RGS7: variants seen among roughly 807,000 people sequenced by gnomAD.
RGS7 encodes the protein regulator of G protein signaling 7, also known as regulator of G-protein signaling 7.
A neutral mutation model predicts 81.1 loss-of-function variants in RGS7; 27 were observed. That is an observed-to-expected ratio of 0.33 (90% CI 0.25 to 0.46). The LOEUF is 0.46. Among genes scored for constraint, RGS7 ranks in the 20% least tolerant of loss-of-function variants. The probability of loss-of-function intolerance (pLI) is 1.00; values close to 1 mark genes in which losing one functional copy is unlikely to be tolerated. For synonymous variants in RGS7, 208 were observed against 207.7 expected (o/e 1.00, Z -0.01); for missense variants, 396 against 607.4 (o/e 0.65, Z 3.66).
chr1:241,004,498 T>C (rs1038358721), intron 3 of RGS7, among the ~76,000 whole-genome samples: 1 of 152,130 alleles, frequency 6.6e-6, no homozygotes, highest in Non-Finnish European at 1.5e-5. Flanking sequence ...TGAAGGTTCA[T>C]TGAAAATCAT....
intron 2 of RGS7, among the ~76,000 whole-genome samples, chr1:241,352,843 A>G (rs546913504): frequency 3.3e-5 from 5 of 152,260 alleles, no homozygotes; most frequent in Non-Finnish European, 7.3e-5. Flanking sequence ...AGAAATTTAC[A>G]CATCCCAGCT....
intron 2 of RGS7, among the ~76,000 whole-genome samples, chr1:241,282,668 T>C (rs2078586485): frequency 6.6e-6 from 1 of 152,228 alleles, no homozygotes; most frequent in Non-Finnish European, 1.5e-5. Context: ...GCATTCAGTC[T>C]TTCACCATTA....
intron 2 of RGS7, among the ~76,000 whole-genome samples, chr1:241,146,611 C>A (rs1234029270): frequency 6.6e-6 from 1 of 152,242 alleles, no homozygotes; most frequent in East Asian, 1.9e-4. Context: ...ACAAGATTCC[C>A]AACCTACTCT....
At chr1:240,983,600 C>T (rs551231891) in intron 3 of RGS7, among the ~76,000 whole-genome samples, 1 of 152,272 alleles carries the variant, frequency 6.6e-6, no homozygotes, top group African/African-American at 2.4e-5. Context: ...TGTGTCTCCA[C>T]AGCAGTACTC....
At chr1:240,834,540 T>C (rs1694356809) in intron 9 of RGS7, among the ~76,000 whole-genome samples, 1 of 152,152 alleles carries the variant, frequency 6.6e-6, no homozygotes, top group African/African-American at 2.4e-5. Flanking sequence ...AGATGGAGTC[T>C]CGCTCCACCG....
chr1:240,878,186 AC>A (rs1665767144), intron 6 of RGS7, among the ~76,000 whole-genome samples: 1 of 152,002 alleles, frequency 6.6e-6, no homozygotes, highest in Non-Finnish European at 1.5e-5. Context: ...CCCCTTCTCC[AC>A]CAAGCCCCTT....
chr1:240,812,534 A>C (rs1466109415), intron 13 of RGS7, among the ~76,000 whole-genome samples: 17 of 150,814 alleles, frequency 1.1e-4, no homozygotes, highest in Admixed American at 1.1e-3. Context: ...TCCCGGGTTC[A>C]AGAGAGTCTC....
chr1:241,310,588 A>G (rs1368043993), intron 2 of RGS7, among the ~76,000 whole-genome samples: 3 of 151,578 alleles, frequency 2.0e-5, no homozygotes, highest in East Asian at 3.9e-4. Context: ...ACTGCCCACG[A>G]CAGTCACGGA....
At chr1:241,112,769 G>A (rs1216092122) in intron 2 of RGS7, among the ~76,000 whole-genome samples, 1 of 152,134 alleles carries the variant, frequency 6.6e-6, no homozygotes, top group Non-Finnish European at 1.5e-5. Context: ...TACTTTAATT[G>A]TACCCTTGCT....
At chr1:241,115,455 T>C (rs536638315) in intron 2 of RGS7, among the ~76,000 whole-genome samples, 8 of 152,338 alleles carry the variant, frequency 5.3e-5, no homozygotes, top group Admixed American at 4.6e-4. Flanking sequence ...TTTATCCTTC[T>C]ACTAAATATC....
rs569258727 is a variant in RGS7, at chr1:241,144,875, C to T, written c.79-46113G>A. On this transcript the variant is annotated intron_variant, in intron 2 of 18. Transcript: ENST00000440928. This position sits in a 1 kb window ranked among gnomAD's most constrained non-coding sequence, Gnocchi z 4.7. ...TGCCTTTTCTTTCTTAAAATCTTAA[C>T]GTCCCAAAGGAACAACTGATGTGAG... 6.7e-6 allele frequency among the ~76,000 whole-genome samples: 1 copy of T among 150,054 alleles called. No individual in the cohort carries two copies. The highest frequency in any genetic ancestry group is 2.5e-5 in the African/African-American group (1 of 39,896).
At chr1:241,319,026 A>G (rs2081056732) in intron 2 of RGS7, among the ~76,000 whole-genome samples, 1 of 152,196 alleles carries the variant, frequency 6.6e-6, no homozygotes, top group East Asian at 1.9e-4. Flanking sequence ...TGATTTTTCA[A>G]ATGTTTCACC....
At chr1:240,944,330 A>G (rs1210710151) in intron 4 of RGS7, among the ~76,000 whole-genome samples, 9 of 116,482 alleles carry the variant, frequency 7.7e-5, no homozygotes, top group East Asian at 5.4e-4. Flanking sequence ...ATATATATAT[A>G]TATGTTAGGT....
chr1:240,932,906 C>CG (rs1558486338), intron 5 of RGS7, among the ~76,000 whole-genome samples: 7 of 84,590 alleles, frequency 8.3e-5, no homozygotes, highest in African/African-American at 3.3e-4. Flanking sequence ...TTTTTTGAGA[C>CG]AGAGTCTCGC....
intron 4 of RGS7, among the ~76,000 whole-genome samples, chr1:240,938,935 G>A (rs1022334343): frequency 1.3e-5 from 2 of 151,786 alleles, no homozygotes; most frequent in Non-Finnish European, 2.9e-5. Flanking sequence ...ACCTATCCTT[G>A]TTAAAACTTT....
At chr1:240,830,779 A>G (rs1221343015) in intron 9 of RGS7, among the ~76,000 whole-genome samples, 2 of 152,172 alleles carry the variant, frequency 1.3e-5, no homozygotes, top group African/African-American at 4.8e-5. Flanking sequence ...AATCAATTTT[A>G]CTTCATACCA....
intron 3 of RGS7, among the ~76,000 whole-genome samples, chr1:241,095,019 CT>C (rs1373894169): frequency 4.6e-5 from 7 of 152,272 alleles, no homozygotes; most frequent in African/African-American, 1.2e-4. Flanking sequence ...CTGCTTTTTC[CT>C]TCCCCAAGTA....
At chr1:241,279,697 C>T (rs1159313889) in intron 2 of RGS7, among the ~76,000 whole-genome samples, 2 of 152,180 alleles carry the variant, frequency 1.3e-5, no homozygotes, top group Non-Finnish European at 2.9e-5. Context: ...TTTTTTATCA[C>T]CTTACTCACC....
intron 2 of RGS7, among the ~76,000 whole-genome samples, chr1:241,294,539 T>A (rs761399743): frequency 2.0e-5 from 3 of 152,194 alleles, no homozygotes; most frequent in Non-Finnish European, 2.9e-5. Flanking sequence ...AAAAATAAAT[T>A]TAGTATCGCC....
Sources: gnomAD v4.1 joint callset for allele counts (sites outside exome capture counted in the v4.1 genomes callset) on GRCh38, gnomAD v4.1.1 for gene constraint, Gnocchi (gnomAD v3.1) non-coding constraint, MANE v1.5 for transcripts, NCBI Gene and HGNC (gene_info 2026-07-23, HGNC 2026-07-21) for gene names.